Variants in KIAA1958 observed in about 807,000 individuals in gnomAD.
The protein encoded by KIAA1958 is uncharacterized protein KIAA1958.
A neutral mutation model predicts 47.2 loss-of-function variants in KIAA1958; 14 were observed. The ratio of observed to expected loss-of-function variants is 0.30; its 90% CI spans 0.20 to 0.46. The LOEUF (loss-of-function observed/expected upper bound fraction) is 0.46, where lower values mean the gene tolerates loss of function less well. Ranked by LOEUF, KIAA1958 falls within the 20% of genes least tolerant of loss-of-function variation. The pLI is 1.00. For missense variants in KIAA1958, 803 were observed against 909.2 expected (o/e 0.88, Z 1.50); for synonymous variants, 354 against 353.3 (o/e 1.00, Z -0.02).
At chr9:112,589,873 G>T (rs1265758165) in intron 2 of KIAA1958, among the ~76,000 whole-genome samples, 2 of 152,184 alleles carry the variant, frequency 1.3e-5, no homozygotes, top group Admixed American at 1.3e-4. Context: ...TCTGGAAAGG[G>T]GCTGGGGTAG....
chr9:112,552,760 CG>C (rs942186267), intron 1 of KIAA1958, among the ~76,000 whole-genome samples: 259 of 152,220 alleles, frequency 1.7e-3, no homozygotes, highest in African/African-American at 6.0e-3. Flanking sequence ...GCTCAGGAAG[CG>C]AGAGGGAGGA....
At chr9:112,642,077 T>C (rs1185755941) in intron 2 of KIAA1958, among the ~76,000 whole-genome samples, 1 of 152,174 alleles carries the variant, frequency 6.6e-6, no homozygotes, top group African/African-American at 2.4e-5. Context: ...TGTACTCACA[T>C]TTTAAAATTC....
intron 1 of KIAA1958, among the ~76,000 whole-genome samples, chr9:112,563,079 C>A (rs1003475137): frequency 6.6e-5 from 5 of 75,918 alleles, no homozygotes; most frequent in Non-Finnish European, 1.0e-4. Flanking sequence ...CTCTCTCTCT[C>A]TCTCTCTATA....
intron 1 of KIAA1958, among the ~76,000 whole-genome samples, chr9:112,497,515 C>T (rs887450331): frequency 7.2e-5 from 11 of 152,146 alleles, no homozygotes; most frequent in Non-Finnish European, 1.5e-4. Context: ...CCAGAATTGT[C>T]AGAAAATAAA....
rs746108473 is a variant in KIAA1958, at chr9:112,487,068, G to GC, written c.-68dup. 1.8e-4 allele frequency: 41 copies of GC among 222,112 alleles called. No homozygotes were observed. Among genetic ancestry groups the GC allele is most frequent in the South Asian group, 4.4e-4 (9 of 20,506 alleles). The allele number at this position is 222,112 out of a possible 1,614,324, so 13.8% of individuals were successfully genotyped here. Reference sequence around the variant, plus strand: ...AGCCCGGGCTGCCCGGCTCTCGCAGGCCCCCCCGCGCCGACCGCGTTCCTA... The same window carrying GC: ...AGCCCGGGCTGCCCGGCTCTCGCAGGCCCCCCCCGCGCCGACCGCGTTCCTA... On this transcript the variant is annotated 5_prime_UTR_variant, in exon 1 of 4. Coordinates refer to ENST00000337530, the MANE Select transcript of KIAA1958 (RefSeq NM_133465.4).
intron 1 of KIAA1958, among the ~76,000 whole-genome samples, chr9:112,532,976 A>T (rs1834775785): frequency 6.6e-6 from 1 of 152,010 alleles, no homozygotes; most frequent in African/African-American, 2.4e-5. Flanking sequence ...TTTTAAATGT[A>T]TATTTTTTTT....
intron 1 of KIAA1958, among the ~76,000 whole-genome samples, chr9:112,554,988 A>G (rs577883536): frequency 1.4e-4 from 22 of 152,246 alleles, no homozygotes; most frequent in Non-Finnish European, 2.9e-4. Context: ...CAGAAGAACT[A>G]AAAACAAAAA....
At chr9:112,656,152 C>T (rs368660410) in intron 3 of KIAA1958, among the ~76,000 whole-genome samples, 9 of 152,078 alleles carry the variant, frequency 5.9e-5, no homozygotes, top group African/African-American at 1.9e-4. Context: ...GCGGGCGGAT[C>T]GCTTGAGGTC....
intron 2 of KIAA1958, among the ~76,000 whole-genome samples, chr9:112,604,878 G>A (rs940851862): frequency 3.6e-4 from 54 of 148,232 alleles, no homozygotes; most frequent in African/African-American, 1.3e-3. Context: ...TTAACAGGGC[G>A]TGGACACTAT....
chr9:112,533,386 C>T (rs1834786828), intron 1 of KIAA1958, among the ~76,000 whole-genome samples: 1 of 148,756 alleles, frequency 6.7e-6, no homozygotes, highest in African/African-American at 2.5e-5. Context: ...ACCACCCTGG[C>T]TAACACGGTG....
intron 2 of KIAA1958, among the ~76,000 whole-genome samples, chr9:112,614,894 T>A (rs1836385245): frequency 6.6e-6 from 1 of 152,134 alleles, no homozygotes; most frequent in Non-Finnish European, 1.5e-5. Context: ...GGTGACAACA[T>A]CCACACCAGC....
chr9:112,615,546 A>G (rs1014545083), intron 2 of KIAA1958, among the ~76,000 whole-genome samples: 1 of 152,154 alleles, frequency 6.6e-6, no homozygotes, highest in Non-Finnish European at 1.5e-5. Context: ...ATAAAATTTT[A>G]AGCTGCTACT....
At position 112,501,323 on chromosome 9, in the gene KIAA1958, G is replaced by A. The variant is rs974007150; in HGVS notation, c.-25+14205G>A. Among the ~76,000 whole-genome samples the A allele has an allele frequency of 2.6e-5, 4 of 151,768 alleles. No homozygotes were observed. In the East Asian group the frequency reaches 5.8e-4, roughly 22 times the overall value. On this transcript the variant is annotated intron_variant, in intron 1 of 3. Transcript: ENST00000337530. ...TCAGGCATGATGGCTCATGCCTGTAGTCCCAGCTGCTTGGGAGACTGAAAT... is the reference window on the plus strand; with the variant it reads ...TCAGGCATGATGGCTCATGCCTGTAATCCCAGCTGCTTGGGAGACTGAAAT...
intron 1 of KIAA1958, among the ~76,000 whole-genome samples, chr9:112,565,835 C>G (rs936954107): frequency 6.6e-6 from 1 of 152,202 alleles, no homozygotes; most frequent in African/African-American, 2.4e-5. Flanking sequence ...TTAAGAGCCT[C>G]TCCATGAGAT....
intron 1 of KIAA1958, among the ~76,000 whole-genome samples, chr9:112,556,952 G>A (rs773147079): frequency 3.3e-5 from 5 of 152,080 alleles, no homozygotes; most frequent in Non-Finnish European, 7.4e-5. Flanking sequence ...TGAGAACCCA[G>A]TTGCTTTTGT....
Position 112,574,995 on chromosome 9 carries a change from G to A in KIAA1958, c.915G>A (p.Gln305=). The A allele has an allele frequency of 6.2e-7, 1 of 1,614,148 alleles. No individual in the cohort carries two copies. Among genetic ancestry groups the A allele is most frequent in the Non-Finnish European group, 8.5e-7 (1 of 1,180,006 alleles). Residue 305 remains glutamine, a synonymous_variant, in exon 2 of 4, where the codon CAG becomes CAA. Transcript: ENST00000337530. ...GPPGTHGTNQ[Q]VAMQMPVSTS... is the part of the protein sequence containing the mutation. The stretch of plus-strand genomic sequence containing the variant: ...CTGGTACACATGGCACCAACCAACA[G>A]GTGGCCATGCAAATGCCTGTGAGCA...
Position 112,659,991 on chromosome 9 carries a change from G to A in KIAA1958, c.2073G>A (p.Leu691=), listed in dbSNP as rs1034679859. The A allele has an allele frequency of 4.3e-6, 7 of 1,614,106 alleles. No homozygotes were observed. The highest frequency in any genetic ancestry group is 5.1e-6 in the Non-Finnish European group (6 of 1,180,054). ...IVPNLAKKVK[L]ENCENFTFVS... is the part of the protein sequence containing the mutation. ...CAAACTTAGCCAAGAAGGTCAAGCTGGAAAACTGTGAGAACTTCACCTTTG... is the reference window on the plus strand; with the variant it reads ...CAAACTTAGCCAAGAAGGTCAAGCTAGAAAACTGTGAGAACTTCACCTTTG... Residue 691 remains leucine (L), a synonymous_variant, in exon 4 of 4, where the codon CTG becomes CTA. Coordinates refer to ENST00000337530, the MANE Select transcript of KIAA1958 (RefSeq NM_133465.4).
intron 1 of KIAA1958, among the ~76,000 whole-genome samples, chr9:112,495,785 T>C (rs374608275): frequency 8.5e-5 from 13 of 152,224 alleles, no homozygotes; most frequent in African/African-American, 3.1e-4. Context: ...GTTGTTCCCT[T>C]CCGCAGTGAG....
chr9:112,637,578 A>G (rs1488663304), intron 2 of KIAA1958, among the ~76,000 whole-genome samples: 1 of 151,760 alleles, frequency 6.6e-6, no homozygotes, highest in African/African-American at 2.4e-5. Flanking sequence ...GCTGTTCACC[A>G]TGTTGGCCAG....
Sources: allele counts gnomAD v4.1 joint callset (sites outside exome capture counted in the v4.1 genomes callset), GRCh38; gene constraint gnomAD v4.1.1; transcripts MANE v1.5; gene names NCBI Gene and HGNC (gene_info 2026-07-23, HGNC 2026-07-21).